Variants in PITPNC1 observed in about 807,000 individuals in gnomAD.
PITPNC1 encodes cytoplasmic phosphatidylinositol transfer protein 1.
In PITPNC1, 18 loss-of-function variants were observed where a neutral mutation model predicts 44.7. That is an observed-to-expected ratio of 0.40 (90% CI 0.28 to 0.60). PITPNC1 has a LOEUF of 0.60. Among genes scored for constraint, PITPNC1 ranks in the 20% least tolerant of loss-of-function variants. The pLI, the probability that PITPNC1 is intolerant of heterozygous loss-of-function variation, is 0.39. For missense variants in PITPNC1, 290 were observed against 418.4 expected, an observed-to-expected ratio of 0.69 and a Z score of 2.68; for synonymous variants, 141 against 149.6, an observed-to-expected ratio of 0.94 and a Z score of 0.42.
intron 5 of PITPNC1, among the ~76,000 whole-genome samples, chr17:67,593,170 C>A (rs555085802): frequency 7.9e-5 from 12 of 152,108 alleles, no homozygotes; most frequent in Non-Finnish European, 1.2e-4. Flanking sequence ...GATGCAGATG[C>A]ATTTATATGT....
intron 4 of PITPNC1, among the ~76,000 whole-genome samples, chr17:67,554,807 G>A (rs1419289705): frequency 2.0e-5 from 3 of 152,192 alleles, no homozygotes; most frequent in South Asian, 2.1e-4. Flanking sequence ...CTGTCCTCTG[G>A]TTTTGCCACT....
intron 6 of PITPNC1, among the ~76,000 whole-genome samples, chr17:67,665,820 C>T (rs2042413848): frequency 6.6e-6 from 1 of 150,662 alleles, no homozygotes; most frequent in South Asian, 2.1e-4. Context: ...AGGAAAGGGT[C>T]CTTGGAGGGG....
chr17:67,505,450 C>T (rs545320105), intron 1 of PITPNC1, among the ~76,000 whole-genome samples: 9 of 152,214 alleles, frequency 5.9e-5, no homozygotes, highest in Middle Eastern at 3.4e-3. Context: ...AGGAATTACC[C>T]TTTGATCATT....
intron 4 of PITPNC1, among the ~76,000 whole-genome samples, chr17:67,559,594 G>C (rs2040880795): frequency 6.6e-6 from 1 of 152,202 alleles, no homozygotes; most frequent in Non-Finnish European, 1.5e-5. Context: ...TTGTGGAGAA[G>C]AGGACAGTAA....
chr17:67,588,558 G>C (rs977463139), intron 5 of PITPNC1, among the ~76,000 whole-genome samples: 2 of 152,058 alleles, frequency 1.3e-5, no homozygotes, highest in Non-Finnish European at 2.9e-5. Context: ...CTACACGCCT[G>C]TTAGTTACTT....
chr17:67,499,644 A>T (rs2040001470), intron 1 of PITPNC1, among the ~76,000 whole-genome samples: 1 of 152,262 alleles, frequency 6.6e-6, no homozygotes, highest in South Asian at 2.1e-4. Context: ...AGTCAAGGAA[A>T]GATCGCATAT....
At chr17:67,507,883 T>A (rs1480041618) in intron 1 of PITPNC1, among the ~76,000 whole-genome samples, 1 of 151,890 alleles carries the variant, frequency 6.6e-6, no homozygotes, top group East Asian at 1.9e-4. Flanking sequence ...TGCCCATCGC[T>A]CCATGGCTTC....
intron 6 of PITPNC1, among the ~76,000 whole-genome samples, chr17:67,644,081 CA>C (rs1412899592): frequency 5.9e-5 from 9 of 151,774 alleles, no homozygotes; most frequent in African/African-American, 1.7e-4. Flanking sequence ...TGAGACTTTT[CA>C]AAAAAAATGT....
chr17:67,470,678 G>A (rs902944748), intron 1 of PITPNC1, among the ~76,000 whole-genome samples: 1 of 152,126 alleles, frequency 6.6e-6, no homozygotes, highest in East Asian at 1.9e-4. Context: ...CCCTCTGCCC[G>A]GCCACCACCC....
At chr17:67,402,498 C>G (rs893553963) in intron 1 of PITPNC1, among the ~76,000 whole-genome samples, 3 of 152,084 alleles carry the variant, frequency 2.0e-5, no homozygotes, top group Admixed American at 6.6e-5. Context: ...TCTCCACCCC[C>G]CATCCCCCGC....
chr17:67,422,330 C>T (rs1262906152), intron 1 of PITPNC1, among the ~76,000 whole-genome samples: 1 of 152,100 alleles, frequency 6.6e-6, no homozygotes, highest in Non-Finnish European at 1.5e-5. Flanking sequence ...AGTTTGAATC[C>T]CAATTTTGTC....
chr17:67,648,431 G>A (rs991189789), intron 6 of PITPNC1, among the ~76,000 whole-genome samples: 3 of 152,206 alleles, frequency 2.0e-5, no homozygotes, highest in Non-Finnish European at 4.4e-5. Context: ...GGAGGAGCTG[G>A]GTTCTTGGCC....
At chr17:67,381,591 C>T (rs1037900985) in intron 1 of PITPNC1, among the ~76,000 whole-genome samples, 1 of 151,874 alleles carries the variant, frequency 6.6e-6, no homozygotes, top group East Asian at 2.0e-4. Context: ...CTCAGCCTCC[C>T]GAGTAGCTGG....
chr17:67,575,879 C>CTTTTT (rs1209977482), intron 4 of PITPNC1, among the ~76,000 whole-genome samples: 10 of 15,922 alleles, frequency 6.3e-4, no homozygotes, highest in South Asian at 2.0e-3. Context: ...TCTTTCTTTC[C>CTTTTT]TTTTTTTTTT....
intron 2 of PITPNC1, among the ~76,000 whole-genome samples, chr17:67,535,240 G>A (rs751876709): frequency 5.3e-5 from 8 of 152,220 alleles, no homozygotes; most frequent in Non-Finnish European, 1.2e-4. Flanking sequence ...GGTCTGTCCT[G>A]AGCATGGCTT....
intron 5 of PITPNC1, among the ~76,000 whole-genome samples, chr17:67,584,951 C>T (rs2041291894): frequency 6.6e-6 from 1 of 151,914 alleles, no homozygotes; most frequent in African/African-American, 2.4e-5. Context: ...CCCATCTGTA[C>T]TAAAAATACA....
intron 8 of PITPNC1, among the ~76,000 whole-genome samples, chr17:67,684,616 C>T (rs139146976): frequency 2.5e-3 from 374 of 151,680 alleles, no homozygotes; most frequent in African/African-American, 8.5e-3. Context: ...GGTTTTCTGA[C>T]TAAATTGATT....
At chr17:67,512,107 G>A (rs2040191379) in intron 1 of PITPNC1, among the ~76,000 whole-genome samples, 2 of 152,176 alleles carry the variant, frequency 1.3e-5, no homozygotes, top group African/African-American at 2.4e-5. Flanking sequence ...GTGATGTCCA[G>A]CTCAGAACTT....
At chr17:67,675,369 G>A in intron 7 of PITPNC1, 110 bp from the exon 8 acceptor site, 1 of 791,256 alleles carries the variant, frequency 1.3e-6, no homozygotes, top group South Asian at 1.5e-5. Context: ...ATGGACAGAG[G>A]GATTAAGAAC....
Sources: gnomAD v4.1 joint callset for allele counts (sites outside exome capture counted in the v4.1 genomes callset) on GRCh38, gnomAD v4.1.1 for gene constraint, MANE v1.5 for transcripts, NCBI Gene and HGNC (gene_info 2026-07-23, HGNC 2026-07-21) for gene names.